Variants in C11orf65 observed in about 807,000 individuals in gnomAD.
C11orf65 encodes protein MFI.
Under a neutral mutation model 35.3 loss-of-function variants are expected in C11orf65, and 38 were observed. The observed-to-expected ratio is 1.08, with a 90% CI of 0.83 to 1.41. The LOEUF is 1.41. Ranked by LOEUF, C11orf65 falls within the 40% of genes most tolerant of loss-of-function variation. C11orf65 has a pLI of 0.00. For missense variants in C11orf65, 370 were observed against 367.1 expected (o/e 1.01, Z -0.06); for synonymous variants, 105 against 114.4 (o/e 0.92, Z 0.53).
chr11:108,362,445 C>G (rs900700079), intron 2 of C11orf65, among the ~76,000 whole-genome samples: 5 of 151,678 alleles, frequency 3.3e-5, no homozygotes, highest in South Asian at 2.1e-4. Context: ...CATCCCATTA[C>G]TGGGTATATA....
chr11:108,354,407 T>C (rs2089626102), intron 2 of C11orf65, among the ~76,000 whole-genome samples: 1 of 152,226 alleles, frequency 6.6e-6, no homozygotes, highest in Non-Finnish European at 1.5e-5. Flanking sequence ...GCTTGTGTTC[T>C]AGTATAACAT....
At chr11:108,329,858 A>G (rs1352206122), downstream of C11orf65, among the ~76,000 whole-genome samples, 1 of 148,536 alleles carries the variant, frequency 6.7e-6, no homozygotes, top group Non-Finnish European at 1.5e-5. Context: ...GTTTGTTGGT[A>G]TCATAGTGGA....
chr11:108,452,587 T>C (rs1051295517), intron 2 of C11orf65, among the ~76,000 whole-genome samples: 4 of 152,196 alleles, frequency 2.6e-5, no homozygotes, highest in Non-Finnish European at 4.4e-5. Flanking sequence ...TAGAAGACAG[T>C]GTGGCAATTC....
chr11:108,347,134 C>T (rs374328386), intron 2 of C11orf65: 46 of 696,314 alleles, frequency 6.6e-5, no homozygotes, highest in South Asian at 5.2e-4. Flanking sequence ...TCAACATGGC[C>T]GGTTATGCAC....
intron 6 of C11orf65, among the ~76,000 whole-genome samples, chr11:108,394,112 G>A (rs562339967): frequency 2.1e-4 from 31 of 151,144 alleles, no homozygotes; most frequent in African/African-American, 6.1e-4. Flanking sequence ...CCTGGGAGGT[G>A]GAGGTTGCAG....
chr11:108,377,999 A>G (rs2138194185), downstream of C11orf65, among the ~76,000 whole-genome samples: 1 of 150,542 alleles, frequency 6.6e-6, no homozygotes, highest in Admixed American at 6.6e-5. Context: ...AACAAATGGA[A>G]GAACATTCCA....
At chr11:108,414,446 C>T (rs1036969787) in intron 3 of C11orf65, among the ~76,000 whole-genome samples, 9 of 151,662 alleles carry the variant, frequency 5.9e-5, no homozygotes, top group African/African-American at 2.2e-4. Flanking sequence ...AACTCTATGC[C>T]CTCAAATTTT....
chr11:108,379,297 A>G (rs571133616), downstream of C11orf65, among the ~76,000 whole-genome samples: 20 of 152,352 alleles, frequency 1.3e-4, no homozygotes, highest in South Asian at 1.0e-3. Context: ...CTATGCAGCC[A>G]TAAAAAATGA....
chr11:108,355,990 G>A (rs950453645), intron 2 of C11orf65: 7 of 152,110 alleles, frequency 4.6e-5, no homozygotes, highest in East Asian at 1.9e-4. Context: ...CCAATAATAC[G>A]TTGGTAAAAT....
At chr11:108,462,025 T>C (rs1441774711) in intron 1 of C11orf65, among the ~76,000 whole-genome samples, 1 of 152,158 alleles carries the variant, frequency 6.6e-6, no homozygotes, top group Non-Finnish European at 1.5e-5. Context: ...TGTATCAAAA[T>C]AATAAAAATA....
intron 2 of C11orf65, among the ~76,000 whole-genome samples, chr11:108,343,680 C>T (rs2087896600): frequency 6.6e-6 from 1 of 152,130 alleles, no homozygotes; most frequent in Admixed American, 6.5e-5. Flanking sequence ...GGCACGATGG[C>T]ATGCACCTGT....
At chr11:108,419,693 C>T (rs2092787899) in intron 3 of C11orf65, among the ~76,000 whole-genome samples, 2 of 152,080 alleles carry the variant, frequency 1.3e-5, no homozygotes, top group East Asian at 3.8e-4. Context: ...CAGAGTGAGA[C>T]CTGGCCTCTA....
intron 2 of C11orf65, among the ~76,000 whole-genome samples, chr11:108,338,433 T>C (rs2087099691): frequency 6.6e-6 from 1 of 152,132 alleles, no homozygotes; most frequent in African/African-American, 2.4e-5. Flanking sequence ...GGCAGGAGGA[T>C]CACTTGAGGC....
intron 6 of C11orf65, chr11:108,316,264 A>T (rs1367914034): frequency 1.2e-6 from 1 of 861,928 alleles, no homozygotes; most frequent in Non-Finnish European, 1.9e-6. Flanking sequence ...ACATTCAGGG[A>T]TACTCCTGAA....
At chr11:108,389,933 A>G (rs967419705) in intron 7 of C11orf65, among the ~76,000 whole-genome samples, 3 of 151,556 alleles carry the variant, frequency 2.0e-5, no homozygotes, top group Non-Finnish European at 4.4e-5. Flanking sequence ...TGACCTCAAG[A>G]TCCGCCCTCC....
intron 2 of C11orf65, among the ~76,000 whole-genome samples, chr11:108,371,713 A>G (rs1160747694): frequency 6.6e-6 from 1 of 152,168 alleles, no homozygotes; most frequent in Non-Finnish European, 1.5e-5. Flanking sequence ...TGGGTATACA[A>G]ATATGTCTTC....
intron 2 of C11orf65, chr11:108,336,388 GATTT>G (rs2086859980): frequency 6.4e-6 from 1 of 157,292 alleles, no homozygotes; most frequent in Admixed American, 6.2e-5. Flanking sequence ...AAATAATAAA[GATTT>G]ATTTTCTTTG....
At chr11:108,466,296 G>A (rs1315009996) in intron 1 of C11orf65, among the ~76,000 whole-genome samples, 4 of 152,074 alleles carry the variant, frequency 2.6e-5, no homozygotes, top group Admixed American at 6.6e-5. Context: ...CTACCAGGCC[G>A]GGTCTGGTGG....
At chr11:108,405,339 T>C (rs2092521568) in intron 6 of C11orf65, 90 bp downstream of exon 6, 2 of 1,350,378 alleles carry the variant, frequency 1.5e-6, no homozygotes, top group African/African-American at 1.5e-5. Context: ...CTGCAGCTAA[T>C]GCCCTCTTGT....
Sources: gnomAD v4.1 joint callset for allele counts (sites outside exome capture counted in the v4.1 genomes callset) on GRCh38, gnomAD v4.1.1 for gene constraint, MANE v1.5 for transcripts, NCBI Gene and HGNC (gene_info 2026-07-23, HGNC 2026-07-21) for gene names.